The following RBBP6 variants were observed in gnomAD, a reference collection of about 807,000 sequenced individuals.
The protein encoded by RBBP6 is E3 ubiquitin-protein ligase RBBP6.
A neutral mutation model predicts 167.7 loss-of-function variants in RBBP6; 25 were observed. The ratio of observed to expected loss-of-function variants is 0.15; its 90% CI spans 0.11 to 0.21. The LOEUF (loss-of-function observed/expected upper bound fraction) is 0.21. Among genes scored for constraint, RBBP6 ranks in the 10% least tolerant of loss-of-function variants. The probability of loss-of-function intolerance (pLI) is 1.00; values close to 1 mark genes in which losing one functional copy is unlikely to be tolerated. For missense variants in RBBP6, 1,868 were observed against 2,134.2 expected (o/e 0.88, Z 2.46); for synonymous variants, 789 against 735.8 (o/e 1.07, Z -1.17).
rs1179155136 is a variant in RBBP6 at position 24,562,046 on chromosome 16, T to C, written c.1174T>C (p.Ser392Pro). Reference protein sequence around the residue: ...PSISSLTSNQSSLAPPVSGNP... With the variant: ...PSISSLTSNQPSLAPPVSGNP... The stretch of plus-strand genomic sequence containing the variant: ...TATATCTTCATTAACTTCTAATCAG[T>C]CTTCCTTGGCCCCTCCTGTGTCTGG... Residue 392 changes from serine (S) to proline (P), a missense_variant, in exon 10 of 18, where the codon TCT (serine) becomes CCT (proline). Ser to Pro is a moderately conservative substitution (Grantham distance 74). Around this residue, in one of 7 missense-constraint regions of RBBP6, gnomAD observed 245 missense variants for 240.1 expected, o/e 1.02. Transcript: ENST00000319715. 1 of 1,612,726 alleles carries C rather than the reference T, an allele frequency of 6.2e-7. No individual in the cohort carries two copies. Among genetic ancestry groups the C allele is most frequent in the Non-Finnish European group, 8.5e-7 (1 of 1,178,822 alleles).
In RBBP6 at chr16:24,572,313, A is replaced by G. The variant is rs1040893719; in HGVS notation, c.5247A>G (p.Lys1749=). ...KKHKKHKKHK[K]HAGTEVELEK... Reference sequence around the variant, plus strand: ...ATAAAAAGCATAAGAAGCATAAGAAACATGCAGGCACTGAAGTGGAATTGG... The same window carrying G: ...ATAAAAAGCATAAGAAGCATAAGAAGCATGCAGGCACTGAAGTGGAATTGG... The change falls in exon 18 of 18, where the codon AAA becomes AAG. Residue 1749 remains lysine (K), a synonymous_variant. Transcript: ENST00000319715. 1.6e-5 allele frequency: 25 copies of G among 1,572,768 alleles called. No homozygotes were observed. Among genetic ancestry groups the G allele is most frequent in the African/African-American group, 2.7e-5 (2 of 73,820 alleles).
In RBBP6 at chr16:24,561,944, A is replaced by G. The variant is rs764644532; in HGVS notation, c.1072A>G (p.Met358Val). The change falls in exon 10 of 18, where the codon ATG becomes GTG. Residue 358 changes from methionine (M) to valine (V), a missense_variant. Transcript: ENST00000319715. ...GATTCAGAGGAACCTACAACCTCTG[A>G]TGAGATCTCCGATATCAAGACAACA... The part of the protein sequence containing the change: ...PLIQRNLQPL[M>V]RSPISRQQDP... The G allele has an allele frequency of 1.2e-6, 2 of 1,613,640 alleles. 1 individual carries two copies. Among genetic ancestry groups the G allele is most frequent in the South Asian group, 2.2e-5 (2 of 91,048 alleles).
rs756294024 is a variant in RBBP6, at chr16:24,555,833, A to G, written c.450A>G (p.Lys150=). 1.7e-5 allele frequency: 27 copies of G among 1,605,860 alleles called. No individual in the cohort carries two copies. The South Asian group carries it at 2.8e-4, about 16-fold the overall frequency. ...HEYDPINYMK[K]PLGPPPPSYT... ...TTCCCCCTTTTAGTTACATGAAGAA[A>G]CCTCTAGGTCCACCACCTCCATCTT... The change falls in exon 6 of 18, where the codon AAA becomes AAG. Residue 150 remains lysine, a synonymous_variant. Coordinates refer to ENST00000319715, the MANE Select transcript of RBBP6 (RefSeq NM_006910.5).
Position 24,569,255 on chromosome 16 carries a change from A to G in RBBP6, c.2565A>G (p.Ala855=). Residue 855 remains alanine, a synonymous_variant, in exon 17 of 18, where the codon GCA becomes GCG. Transcript: ENST00000319715. ...CTGGAGCACAGCCTAGACCCTCAGC[A>G]AATAGAGAGAACTTTTCTCCAGAGA... is the stretch of plus-strand genomic sequence containing the variant. ...YAAGAQPRPS[A]NRENFSPERF... is the part of the protein sequence containing the mutation. 2 of 1,612,630 alleles carry G rather than the reference A, an allele frequency of 1.2e-6. No individual in the cohort carries two copies. Among genetic ancestry groups the G allele is most frequent in the Non-Finnish European group, 8.5e-7 (1 of 1,179,666 alleles).
Position 24,567,899 on chromosome 16 carries a change from T to A in RBBP6, c.2054+6T>A. 1 of 1,601,256 alleles carries A rather than the reference T, an allele frequency of 6.2e-7. No homozygotes were observed. ...CGTAGGCGCTCATTTTCCAGGTTAG[T>A]GTTTTGCAAGCCTTCACAACAGAAT... On this transcript the variant is annotated splice_donor_region_variant and intron_variant, in intron 16 of 17. Transcript: ENST00000319715.
In RBBP6 at chr16:24,569,556, A is replaced by C; in HGVS notation, c.2866A>C (p.Thr956Pro). 1 of 1,612,100 alleles carries C rather than the reference A, an allele frequency of 6.2e-7. No individual in the cohort carries two copies. The highest frequency in any genetic ancestry group is 8.5e-7 in the Non-Finnish European group (1 of 1,179,552). Reference sequence around the variant, plus strand: ...TTTTCTGAACCCAGAGTTATTAGAGACTTCTAGGAAATCAAGAGAACCTAC... The same window carrying C: ...TTTTCTGAACCCAGAGTTATTAGAGCCTTCTAGGAAATCAAGAGAACCTAC... ...EGFLNPELLETSRKSREPTGV... is the reference protein window; with the variant it reads ...EGFLNPELLEPSRKSREPTGV... The change falls in exon 17 of 18, where the codon ACT becomes CCT. Residue 956 changes from threonine to proline, a missense_variant. Coordinates refer to ENST00000319715, the MANE Select transcript of RBBP6 (RefSeq NM_006910.5).
rs757618394 is a variant in RBBP6 at position 24,569,945 on chromosome 16, T to C, written c.3255T>C (p.Thr1085=). ...CCTCTCAGAAGGATGAAAAAATCAC[T>C]GGAACCCCCAGAAAAGCTCACTCTA... ...SSSSQKDEKI[T]GTPRKAHSKS... is the part of the protein sequence containing the mutation. The change falls in exon 17 of 18, where the codon ACT becomes ACC. Residue 1085 remains threonine (T), a synonymous_variant. Transcript: ENST00000319715. 17 of 1,602,132 alleles carry C rather than the reference T, an allele frequency of 1.1e-5. No individual in the cohort carries two copies. The highest frequency in any genetic ancestry group is 2.2e-5 in the East Asian group (1 of 44,822).
chr16:24,548,877 T>C (rs1334142533), intron 2 of RBBP6, 68 bp from the exon 3 acceptor site: 2 of 1,346,184 alleles, frequency 1.5e-6, no homozygotes, highest in East Asian at 2.5e-5. Flanking sequence ...AGATAATGTG[T>C]TAAAATTTAT....
rs1489499203 is a variant in RBBP6, at chr16:24,572,471, A to C, written c.*26A>C. The C allele has an allele frequency of 1.3e-6, 2 of 1,504,338 alleles. No homozygotes were observed. Among genetic ancestry groups the C allele is most frequent in the Non-Finnish European group, 8.8e-7 (1 of 1,133,218 alleles). The allele number at this position is 1,504,338 out of a possible 1,614,324, so 93.2% of individuals were successfully genotyped here. ...AAAGACAGATTTTTTAAATTGACTTAATTACTAAGTCATCTGTATTAAATT... is the reference window on the plus strand; with the variant it reads ...AAAGACAGATTTTTTAAATTGACTTCATTACTAAGTCATCTGTATTAAATT... On this transcript the variant is annotated 3_prime_UTR_variant, in exon 18 of 18. Transcript: ENST00000319715.
chr16:24,563,561 T>C, intron 12 of RBBP6, 49 bp from the exon 13 acceptor site: 1 of 1,611,136 alleles, frequency 6.2e-7, no homozygotes, highest in Non-Finnish European at 8.5e-7. Context: ...TTAGCTTGAT[T>C]TAATGTGCAA....
chr16:24,569,466 G>A lies in RBBP6; in HGVS notation c.2776G>A (p.Gly926Arg). ...AGAGAAGGAGAGTGAAAACGCTCCA[G>A]GAGATGGTAAAGGAAATAAGCATAA... Reference protein sequence around the residue: ...SKEKESENAPGDGKGNKHKKH... With the variant: ...SKEKESENAPRDGKGNKHKKH... The change falls in exon 17 of 18, where the codon GGA (glycine) becomes AGA (arginine). Residue 926 changes from glycine (G) to arginine (R), a missense_variant. By Grantham distance (125) the Gly-to-Arg change is moderately radical. Around this residue, in one of 7 missense-constraint regions of RBBP6, gnomAD observed 673 missense variants for 691.5 expected, o/e 0.97. Transcript: ENST00000319715. The A allele has an allele frequency of 6.2e-7, 1 of 1,611,976 alleles. No individual in the cohort carries two copies. Among genetic ancestry groups the A allele is most frequent in the Non-Finnish European group, 8.5e-7 (1 of 1,179,526 alleles).
Position 24,569,871 on chromosome 16 carries a change from A to G in RBBP6, c.3181A>G (p.Lys1061Glu), listed in dbSNP as rs745553007. The change falls in exon 17 of 18, where the codon AAA becomes GAA. Residue 1061 changes from lysine (K) to glutamate (E), a missense_variant. Physicochemically the swap from Lys to Glu is moderately conservative, Grantham distance 56. Coordinates refer to ENST00000319715, the MANE Select transcript of RBBP6 (RefSeq NM_006910.5). ...TCCTCGATCTGAACCTCCAATTAAA[A>G]AAGCCAAAGAGGAGACTCCGAAGAC... ...RSPRSEPPIK[K>E]AKEETPKTDN... 6.2e-7 allele frequency: 1 copy of G among 1,610,542 alleles called. No individual in the cohort carries two copies. The highest frequency in any genetic ancestry group is 8.5e-7 in the Non-Finnish European group (1 of 1,179,254).
In RBBP6 at chr16:24,568,972, C is replaced by G. The variant is rs993373641; in HGVS notation, c.2282C>G (p.Pro761Arg). Reference protein sequence around the residue: ...HGYHRSRSRSPPYRRYHSRSR... With the variant: ...HGYHRSRSRSRPYRRYHSRSR... ...TATCATCGATCTAGGTCAAGGTCAC[C>G]CCCTTACAGACGCTATCATTCACGA... The change falls in exon 17 of 18, where the codon CCC becomes CGC. Residue 761 changes from proline (P) to arginine (R), a missense_variant. By Grantham distance (103) the Pro-to-Arg change is moderately radical (BLOSUM62 -2). Transcript: ENST00000319715. The G allele has an allele frequency of 3.7e-6, 6 of 1,614,012 alleles. No individual in the cohort carries two copies. The highest frequency in any genetic ancestry group is 5.1e-6 in the Non-Finnish European group (6 of 1,179,986).
chr16:24,541,169 T>G (rs1289247513), intron 1 of RBBP6, among the ~76,000 whole-genome samples: 3 of 138,246 alleles, frequency 2.2e-5, no homozygotes, highest in Non-Finnish European at 3.1e-5. Flanking sequence ...CAAAGCTTGT[T>G]TGTTCAATCA....
Position 24,571,653 on chromosome 16 carries a change from CAAA to C in RBBP6, c.4592_4594del (p.Lys1531del). 1 of 1,612,744 alleles carries C rather than the reference CAAA, an allele frequency of 6.2e-7. No homozygotes were observed. The highest frequency in any genetic ancestry group is 8.5e-7 in the Non-Finnish European group (1 of 1,179,682). On this transcript the variant is annotated inframe_deletion, in exon 18 of 18. Transcript: ENST00000319715. ...TGCCTAAAAAAGGAACAGGAGATTC[CAAA>C]AAAAGTAATTCTAGTCCCTCAAGAG...
intron 1 of RBBP6, among the ~76,000 whole-genome samples, chr16:24,545,508 C>A (rs9939499): frequency 0.27 from 41,382 of 151,942 alleles, 5,688 homozygotes; most frequent in Admixed American, 0.34. Context: ...CTTTTATTTT[C>A]TTAGGCTCTT....
rs199798897 is a variant in RBBP6, at chr16:24,568,954, G to T, written c.2264G>T (p.Arg755Leu). ...CGGTCTAGATCTCATGGATATCATCGATCTAGGTCAAGGTCACCCCCTTAC... is the reference window on the plus strand; with the variant it reads ...CGGTCTAGATCTCATGGATATCATCTATCTAGGTCAAGGTCACCCCCTTAC... Reference protein sequence around the residue: ...RSRSRSHGYHRSRSRSPPYRR... With the variant: ...RSRSRSHGYHLSRSRSPPYRR... The change falls in exon 17 of 18, where the codon CGA becomes CTA. Residue 755 changes from arginine to leucine, a missense_variant. Physicochemically the swap from Arg to Leu is moderately radical, Grantham distance 102 (BLOSUM62 -2). Transcript: ENST00000319715. 2 of 1,614,140 alleles carry T rather than the reference G, an allele frequency of 1.2e-6. No individual in the cohort carries two copies. The highest frequency in any genetic ancestry group is 1.1e-5 in the South Asian group (1 of 91,078).
intron 2 of RBBP6, among the ~76,000 whole-genome samples, chr16:24,546,580 T>G (rs1465413528): frequency 6.6e-6 from 1 of 152,218 alleles, no homozygotes; most frequent in Admixed American, 6.5e-5. Flanking sequence ...TGGGGGTTCC[T>G]TCAGTTTTCT....
chr16:24,571,084 T>C lies in RBBP6; in HGVS notation c.4018T>C (p.Ser1340Pro), dbSNP rs902012812. Residue 1340 changes from serine to proline, a missense_variant, in exon 18 of 18, where the codon TCA becomes CCA. Physicochemically the swap from Ser to Pro is moderately conservative, Grantham distance 74. Coordinates refer to ENST00000319715, the MANE Select transcript of RBBP6 (RefSeq NM_006910.5). Reference sequence around the variant, plus strand: ...AGATGTTAAATCCACACAGCCTATATCAAGTGTAGGAAAACCTGCTAGTGT... The same window carrying C: ...AGATGTTAAATCCACACAGCCTATACCAAGTGTAGGAAAACCTGCTAGTGT... Reference protein sequence around the residue: ...EEDVKSTQPISSVGKPASVIK... With the variant: ...EEDVKSTQPIPSVGKPASVIK... 2.5e-5 allele frequency: 41 copies of C among 1,612,276 alleles called. 1 individual carries two copies. The highest frequency in any genetic ancestry group is 3.3e-5 in the Non-Finnish European group (39 of 1,178,674).
Sources: allele counts gnomAD v4.1 joint callset (sites outside exome capture counted in the v4.1 genomes callset), GRCh38; gene constraint gnomAD v4.1.1; regional missense constraint gnomAD v4.1.1; transcripts MANE v1.5; gene names NCBI Gene and HGNC (gene_info 2026-07-23, HGNC 2026-07-21).